Variants in GRID1 observed in about 807,000 individuals in gnomAD.
GRID1 encodes the protein glutamate receptor ionotropic, delta-1.
A neutral mutation model predicts 98.0 loss-of-function variants in GRID1; 28 were observed. The ratio of observed to expected loss-of-function variants is 0.29; its 90% CI spans 0.21 to 0.39. The LOEUF (loss-of-function observed/expected upper bound fraction) is 0.39. Ranked by LOEUF, GRID1 falls within the 10% of genes least tolerant of loss-of-function variation. GRID1 has a pLI of 1.00. For missense variants in GRID1, 1,111 were observed against 1,340.5 expected (o/e 0.83, Z 2.67); for synonymous variants, 553 against 538.5 (o/e 1.03, Z -0.37).
chr10:85,979,285 A>G (rs1842513254), intron 4 of GRID1, among the ~76,000 whole-genome samples: 1 of 152,132 alleles, frequency 6.6e-6, no homozygotes, highest in Non-Finnish European at 1.5e-5. Context: ...GTGGGACCCA[A>G]GAGTGGTGAG....
At chr10:86,083,189 A>C (rs1844001534) in intron 4 of GRID1, among the ~76,000 whole-genome samples, 1 of 152,212 alleles carries the variant, frequency 6.6e-6, no homozygotes, top group Non-Finnish European at 1.5e-5. Flanking sequence ...TCTCCCCTTG[A>C]ACATTATATT....
chr10:85,897,478 G>GC (rs1369942649), intron 5 of GRID1, among the ~76,000 whole-genome samples: 1 of 152,150 alleles, frequency 6.6e-6, no homozygotes. Context: ...CAATACACTG[G>GC]CCCCTCAGGA....
At chr10:85,800,166 A>C (rs1252299321) in intron 8 of GRID1, among the ~76,000 whole-genome samples, 1 of 152,002 alleles carries the variant, frequency 6.6e-6, no homozygotes, top group African/African-American at 2.4e-5. Flanking sequence ...ATTACAAAAA[A>C]AAAAACTCTA....
At chr10:86,140,178 T>C (rs68040227) in intron 3 of GRID1, among the ~76,000 whole-genome samples, 10,453 of 152,224 alleles carry the variant, frequency 0.069, 440 homozygotes, top group African/African-American at 0.12. Flanking sequence ...ATGTTTCTTG[T>C]GTCTGGCCCA....
At chr10:85,634,801 C>T (rs1402218215) in intron 13 of GRID1, among the ~76,000 whole-genome samples, 1 of 151,820 alleles carries the variant, frequency 6.6e-6, no homozygotes, top group African/African-American at 2.4e-5. Flanking sequence ...TTATTTTCAT[C>T]AGAAATTTCT....
At chr10:85,905,140 G>C (rs1841442301) in intron 5 of GRID1, among the ~76,000 whole-genome samples, 1 of 151,872 alleles carries the variant, frequency 6.6e-6, no homozygotes, top group Admixed American at 6.6e-5. Context: ...CAGAGATAAA[G>C]AGCATGTTAT....
At chr10:85,879,401 C>G (rs1840964119) in intron 5 of GRID1, among the ~76,000 whole-genome samples, 1 of 152,240 alleles carries the variant, frequency 6.6e-6, no homozygotes, top group Non-Finnish European at 1.5e-5. Flanking sequence ...TGTAAAAGAA[C>G]AGAAATTGTA....
intron 4 of GRID1, among the ~76,000 whole-genome samples, chr10:86,009,245 A>AT (rs903649738): frequency 7.9e-5 from 12 of 151,732 alleles, no homozygotes; most frequent in Admixed American, 3.3e-4. Flanking sequence ...TTGCAGAAGA[A>AT]TTTTTTTTTA....
chr10:85,809,363 A>G (rs1842650685), intron 8 of GRID1, among the ~76,000 whole-genome samples: 1 of 152,214 alleles, frequency 6.6e-6, no homozygotes. Context: ...CTTCAGTAGG[A>G]TAAAAGTAAT....
chr10:86,094,788 G>T (rs560679211), intron 4 of GRID1, among the ~76,000 whole-genome samples: 1 of 150,394 alleles, frequency 6.6e-6, no homozygotes, highest in African/African-American at 2.5e-5. Flanking sequence ...CAAATTCAAC[G>T]CAATCCCCAT....
At chr10:86,079,740 C>G (rs183626394) in intron 4 of GRID1, among the ~76,000 whole-genome samples, 1 of 152,186 alleles carries the variant, frequency 6.6e-6, no homozygotes, top group African/African-American at 2.4e-5. Context: ...CAAGATCAAA[C>G]GAGTTAATGG....
chr10:86,113,189 G>A (rs1318191638), intron 4 of GRID1, among the ~76,000 whole-genome samples: 2 of 152,118 alleles, frequency 1.3e-5, no homozygotes, highest in Non-Finnish European at 2.9e-5. Context: ...TCATGTCATT[G>A]CCCTATACAA....
rs143173644 is a variant in GRID1 at position 85,889,832 on chromosome 10, C to G, written c.781-20652G>C. On this transcript the variant is annotated intron_variant, in intron 5 of 15. Coordinates refer to ENST00000327946, the MANE Select transcript of GRID1 (RefSeq NM_017551.3). ...TAAGATTCCCTTTTCTCCGCATCCT[C>G]ATCAATACTTTTTATCTTTTATATT... Among the ~76,000 whole-genome samples the G allele has an allele frequency of 2.6e-3, 401 of 152,284 alleles. 1 individual carries two copies. The highest frequency in any genetic ancestry group is 9.2e-3 in the African/African-American group (384 of 41,570).
intron 4 of GRID1, among the ~76,000 whole-genome samples, chr10:86,117,650 C>T (rs1164278029): frequency 6.6e-6 from 1 of 152,222 alleles, no homozygotes; most frequent in Non-Finnish European, 1.5e-5. Flanking sequence ...ATTAACCTCA[C>T]AGATCACAAC....
At chr10:85,713,598 C>A (rs557056914) in intron 12 of GRID1, among the ~76,000 whole-genome samples, 1 of 146,498 alleles carries the variant, frequency 6.8e-6, no homozygotes, top group East Asian at 2.0e-4. Flanking sequence ...AAATCTTCAA[C>A]AAAATGCTAA....
At chr10:86,344,407 A>G (rs1179246450) in intron 2 of GRID1, among the ~76,000 whole-genome samples, 1 of 152,206 alleles carries the variant, frequency 6.6e-6, no homozygotes, top group Non-Finnish European at 1.5e-5. Flanking sequence ...TCCAGTGTCA[A>G]AGATGATTCA....
At chr10:86,352,060 T>TA (rs1848470739) in intron 2 of GRID1, among the ~76,000 whole-genome samples, 1 of 152,180 alleles carries the variant, frequency 6.6e-6, no homozygotes, top group African/African-American at 2.4e-5. Flanking sequence ...CCCAGCACTT[T>TA]AGGAGGCCGA....
chr10:85,766,846 C>T (rs1449089110), intron 8 of GRID1, among the ~76,000 whole-genome samples: 2 of 151,446 alleles, frequency 1.3e-5, no homozygotes, highest in Non-Finnish European at 2.9e-5. Flanking sequence ...ATTAAATATT[C>T]ACTTTCATAC....
intron 8 of GRID1, among the ~76,000 whole-genome samples, chr10:85,731,720 T>A (rs1841825331): frequency 1.3e-5 from 2 of 149,480 alleles, no homozygotes; most frequent in Admixed American, 6.7e-5. Flanking sequence ...GAGGATCAAT[T>A]GAGACCAGGA....
Sources: gnomAD v4.1 joint callset for allele counts (sites outside exome capture counted in the v4.1 genomes callset) on GRCh38, gnomAD v4.1.1 for gene constraint, MANE v1.5 for transcripts, NCBI Gene and HGNC (gene_info 2026-07-23, HGNC 2026-07-21) for gene names.